MAP3K5: variants seen among roughly 807,000 people sequenced by gnomAD.
MAP3K5 encodes mitogen-activated protein kinase kinase kinase 5.
In MAP3K5, 56 loss-of-function variants were observed where a neutral mutation model predicts 158.7. That is an observed-to-expected ratio of 0.35 (90% CI 0.28 to 0.44). MAP3K5 has a LOEUF of 0.44. Among genes scored for constraint, MAP3K5 ranks in the 20% least tolerant of loss-of-function variants. The pLI, the probability that MAP3K5 is intolerant of heterozygous loss-of-function variation, is 1.00. For missense variants in MAP3K5, 1,294 were observed against 1,674.8 expected, an observed-to-expected ratio of 0.77 and a Z score of 3.97; for synonymous variants, 579 against 601.7, an observed-to-expected ratio of 0.96 and a Z score of 0.55.
chr6:136,709,847 G>C (rs1781234409), intron 2 of MAP3K5, among the ~76,000 whole-genome samples: 2 of 152,174 alleles, frequency 1.3e-5, no homozygotes, highest in South Asian at 2.1e-4. Flanking sequence ...CAGGAGGGTT[G>C]CTTGAGGCCA....
intron 7 of MAP3K5, among the ~76,000 whole-genome samples, chr6:136,682,315 G>C (rs976604143): frequency 1.3e-5 from 2 of 152,184 alleles, no homozygotes; most frequent in African/African-American, 4.8e-5. Context: ...GGTGGGGAGA[G>C]AGGGGGAAGG....
chr6:136,774,465 AAAC>A (rs1021270825), intron 1 of MAP3K5, among the ~76,000 whole-genome samples: 5 of 152,148 alleles, frequency 3.3e-5, no homozygotes, highest in East Asian at 1.9e-4. Context: ...ATTTTTTAAA[AAAC>A]AACAACAACA....
At chr6:136,666,479 A>G (rs182713243) in intron 8 of MAP3K5, among the ~76,000 whole-genome samples, 2 of 152,354 alleles carry the variant, frequency 1.3e-5, no homozygotes, top group East Asian at 3.8e-4. Flanking sequence ...GCAGAGGCCA[A>G]CAGGAGGAAT....
intron 24 of MAP3K5, 142 bp downstream of exon 24, chr6:136,583,413 G>A: frequency 1.4e-6 from 1 of 724,158 alleles, no homozygotes; most frequent in South Asian, 2.2e-5. Context: ...AGCACACTGA[G>A]AGGCGAATAT....
At chr6:136,589,902 A>G (rs563252749) in intron 23 of MAP3K5, among the ~76,000 whole-genome samples, 101 of 152,264 alleles carry the variant, frequency 6.6e-4, no homozygotes, top group African/African-American at 2.3e-3. Context: ...ACAGTTTGTT[A>G]TGGTTGCTTG....
At chr6:136,730,974 C>T (rs1782199179) in intron 1 of MAP3K5, among the ~76,000 whole-genome samples, 1 of 152,150 alleles carries the variant, frequency 6.6e-6, no homozygotes. Context: ...GGATACTATA[C>T]AGTAATGAGC....
chr6:136,567,354 A>G (rs568732253), intron 26 of MAP3K5, among the ~76,000 whole-genome samples: 1 of 152,290 alleles, frequency 6.6e-6, no homozygotes, highest in Admixed American at 6.5e-5. Context: ...TGTTTCTTAG[A>G]CAGTCTATGA....
intron 14 of MAP3K5, among the ~76,000 whole-genome samples, chr6:136,634,527 T>C (rs1777522913): frequency 6.6e-6 from 1 of 152,180 alleles, no homozygotes; most frequent in Non-Finnish European, 1.5e-5. Flanking sequence ...AAATTTTACA[T>C]TATTCTAATG....
At chr6:136,675,792 T>C (rs1004149223) in intron 7 of MAP3K5, among the ~76,000 whole-genome samples, 4 of 151,816 alleles carry the variant, frequency 2.6e-5, no homozygotes, top group Admixed American at 1.3e-4. Flanking sequence ...AAAGCAAACA[T>C]GCAATAAAGA....
intron 6 of MAP3K5, among the ~76,000 whole-genome samples, chr6:136,694,965 T>C (rs1011887880): frequency 6.6e-6 from 1 of 152,140 alleles, no homozygotes; most frequent in African/African-American, 2.4e-5. Context: ...ACTGTATGAT[T>C]CCATTTATAT....
At position 136,775,577 on chromosome 6, in the gene MAP3K5, T is replaced by A. The variant is rs9402847; in HGVS notation, c.448+16133A>T. Among the ~76,000 whole-genome samples the A allele has an allele frequency of 4.3e-4, 65 of 152,228 alleles. 1 individual carries two copies. In the East Asian group the frequency reaches 0.011, roughly 27 times the overall value. ...ACTCTTTGGGTAACATGCACCTAAC[T>A]CCCCTGATAATAAACCATGGAGAAT... On this transcript the variant is annotated intron_variant, in intron 1 of 29. Transcript: ENST00000359015.
intron 18 of MAP3K5, among the ~76,000 whole-genome samples, chr6:136,606,416 G>A (rs991009605): frequency 1.3e-5 from 2 of 152,172 alleles, no homozygotes; most frequent in Admixed American, 6.5e-5. Flanking sequence ...CATGGAATCA[G>A]AGAGGTGGAG....
intron 3 of MAP3K5, among the ~76,000 whole-genome samples, chr6:136,704,475 T>C (rs1583448683): frequency 6.6e-6 from 1 of 152,230 alleles, no homozygotes; most frequent in Non-Finnish European, 1.5e-5. Flanking sequence ...TGTGTATCTG[T>C]GTGTGGATAT....
chr6:136,699,818 G>A (rs1459959670), intron 3 of MAP3K5, among the ~76,000 whole-genome samples: 1 of 152,240 alleles, frequency 6.6e-6, no homozygotes, highest in Non-Finnish European at 1.5e-5. Context: ...AATCAGCTGA[G>A]TGTGATGGCT....
intron 26 of MAP3K5, 131 bp from the exon 27 acceptor site, chr6:136,562,746 C>T (rs903098606): frequency 4.0e-6 from 2 of 496,960 alleles, no homozygotes; most frequent in Non-Finnish European, 7.0e-6. Flanking sequence ...TTATAGCTCA[C>T]TGCATCCTTA....
chr6:136,620,309 T>C (rs1776744831), intron 15 of MAP3K5, among the ~76,000 whole-genome samples: 1 of 152,196 alleles, frequency 6.6e-6, no homozygotes, highest in African/African-American at 2.4e-5. Flanking sequence ...GGGTTTGCTA[T>C]TGGGTTACAT....
intron 10 of MAP3K5, among the ~76,000 whole-genome samples, chr6:136,653,366 C>A (rs1340129243): frequency 6.6e-6 from 1 of 152,094 alleles, no homozygotes; most frequent in Non-Finnish European, 1.5e-5. Flanking sequence ...TAAAAACAAT[C>A]AAATATTTTC....
chr6:136,563,369 C>T (rs551518546), intron 26 of MAP3K5, among the ~76,000 whole-genome samples: 1 of 152,222 alleles, frequency 6.6e-6, no homozygotes, highest in Non-Finnish European at 1.5e-5. Flanking sequence ...CAATGCAAAT[C>T]AGAAAAGTAA....
At chr6:136,596,269 C>T (rs540696971) in intron 21 of MAP3K5, among the ~76,000 whole-genome samples, 1 of 152,260 alleles carries the variant, frequency 6.6e-6, no homozygotes, top group African/African-American at 2.4e-5. Context: ...GAAGCCCACA[C>T]AGGAGAGGGC....
Sources: gnomAD v4.1 joint callset for allele counts (sites outside exome capture counted in the v4.1 genomes callset) on GRCh38, gnomAD v4.1.1 for gene constraint, MANE v1.5 for transcripts, NCBI Gene and HGNC (gene_info 2026-07-23, HGNC 2026-07-21) for gene names.